The following CSMD1 variants were observed in gnomAD, a reference collection of about 807,000 sequenced individuals.
The protein encoded by CSMD1 is CUB and sushi domain-containing protein 1.
CSMD1 carries 213 observed loss-of-function variants against 417.5 expected under a neutral mutation model. That is an observed-to-expected ratio of 0.51 (90% confidence interval 0.46 to 0.57). CSMD1 has a LOEUF of 0.57. CSMD1 is among the 20% of genes least tolerant of loss of function. CSMD1 has a pLI of 0.00. For synonymous variants in CSMD1, 2,862 were observed against 1,736.8 expected (o/e 1.65, Z -16.11); for missense variants, 6,923 against 4,529.7 (o/e 1.53, Z -15.17).
In CSMD1 at chr8:3,284,235, C is replaced by T. The variant is rs781559921; in HGVS notation, c.4062G>A (p.Pro1354=). ...LLKEWSGSAL[P]EDIHSTFNSL... Reference sequence around the variant, plus strand: ...AGTTGAAGGTGCTGTGGATGTCCTCCGGAAGGGCGGAGCCACTCCACTCCT... The same window carrying T: ...AGTTGAAGGTGCTGTGGATGTCCTCTGGAAGGGCGGAGCCACTCCACTCCT... The change falls in exon 26 of 70, where the codon CCG becomes CCA. Residue 1354 remains proline, a synonymous_variant. Coordinates refer to ENST00000635120, the MANE Select transcript of CSMD1 (RefSeq NM_033225.6). 1.3e-5 allele frequency: 21 copies of T among 1,613,176 alleles called. No individual in the cohort carries two copies. The highest frequency in any genetic ancestry group is 2.2e-5 in the East Asian group (1 of 44,838).
At chr8:2,995,301 C>T (rs916963273) in intron 54 of CSMD1, among the ~76,000 whole-genome samples, 11 of 152,178 alleles carry the variant, frequency 7.2e-5, no homozygotes, top group African/African-American at 2.2e-4. Context: ...AAGGTACTCA[C>T]GTCGTTAGCC....
chr8:4,764,466 T>C (rs1399132548), intron 1 of CSMD1, among the ~76,000 whole-genome samples: 2 of 152,194 alleles, frequency 1.3e-5, no homozygotes, highest in Non-Finnish European at 1.5e-5. Context: ...ATCGTCTGTA[T>C]TCTTAAAAGT....
intron 2 of CSMD1, among the ~76,000 whole-genome samples, chr8:4,602,527 A>G (rs565894077): frequency 3.3e-5 from 5 of 152,224 alleles, no homozygotes; most frequent in Non-Finnish European, 7.3e-5. Flanking sequence ...TAAATATATT[A>G]GGAACATATT....
intron 5 of CSMD1, among the ~76,000 whole-genome samples, chr8:3,978,614 G>C (rs1287304919): frequency 1.3e-5 from 2 of 152,082 alleles, no homozygotes; most frequent in Non-Finnish European, 2.9e-5. Context: ...TAAATAATTG[G>C]AAGGAAACGT....
Position 4,086,676 on chromosome 8 carries a change from T to C in CSMD1, c.416-54577A>G, listed in dbSNP as rs1402202304. Among the ~76,000 whole-genome samples the C allele has an allele frequency of 1.3e-5, 2 of 152,228 alleles. 1 individual carries two copies. Among genetic ancestry groups the C allele is most frequent in the Non-Finnish European group, 2.9e-5 (2 of 68,038 alleles). Reference sequence around the variant, plus strand: ...CATTCTTTCTCATTCATTCATCAAGTATTTAAGCAACCTGAACTTCTTCAG... The same window carrying C: ...CATTCTTTCTCATTCATTCATCAAGCATTTAAGCAACCTGAACTTCTTCAG... On this transcript the variant is annotated intron_variant, in intron 3 of 69. Transcript: ENST00000635120.
chr8:3,026,651 C>G (rs28394433), intron 51 of CSMD1, among the ~76,000 whole-genome samples: 23,760 of 152,098 alleles, frequency 0.16, 1,990 homozygotes, highest in East Asian at 0.28. Context: ...ACCGTGAACT[C>G]TGCCCTGTGA....
chr8:3,873,823 C>T (rs760091396), intron 5 of CSMD1, among the ~76,000 whole-genome samples: 13 of 152,084 alleles, frequency 8.5e-5, no homozygotes, highest in South Asian at 4.2e-4. Context: ...CACATGGTCA[C>T]GGTGTTTGTA....
chr8:3,310,610 G>A (rs549247537), intron 23 of CSMD1, among the ~76,000 whole-genome samples: 18 of 152,168 alleles, frequency 1.2e-4, no homozygotes, highest in Non-Finnish European at 2.2e-4. Context: ...CACAAAATCG[G>A]GGTGTAAAAA....
chr8:4,841,943 A>C (rs1340551859), intron 1 of CSMD1, among the ~76,000 whole-genome samples: 2 of 130,060 alleles, frequency 1.5e-5, no homozygotes, highest in Non-Finnish European at 3.2e-5. Context: ...AAAAAAGTTC[A>C]GAACAATGGA....
chr8:3,614,470 G>A (rs977207519), intron 8 of CSMD1, among the ~76,000 whole-genome samples: 4 of 152,096 alleles, frequency 2.6e-5, no homozygotes, highest in Non-Finnish European at 5.9e-5. Context: ...ACTCACCTAG[G>A]ATATGATTAA....
intron 3 of CSMD1, among the ~76,000 whole-genome samples, chr8:4,193,855 C>G (rs776954227): frequency 1.1e-4 from 16 of 151,928 alleles, no homozygotes; most frequent in Admixed American, 4.6e-4. Context: ...CCCATTCATT[C>G]TTCAGCACCG....
At chr8:3,753,726 A>G (rs1261794095) in intron 6 of CSMD1, among the ~76,000 whole-genome samples, 2 of 152,236 alleles carry the variant, frequency 1.3e-5, no homozygotes, top group East Asian at 1.9e-4. Flanking sequence ...GAAACTATAC[A>G]TATCCTGTAT....
At chr8:4,796,342 A>T (rs1192864126) in intron 1 of CSMD1, among the ~76,000 whole-genome samples, 2 of 152,124 alleles carry the variant, frequency 1.3e-5, no homozygotes, top group Admixed American at 6.5e-5. Flanking sequence ...TGATCTTCAC[A>T]TATCCTCAGC....
intron 52 of CSMD1, among the ~76,000 whole-genome samples, chr8:3,005,948 A>T (rs1339585315): frequency 6.6e-6 from 1 of 152,148 alleles, no homozygotes; most frequent in Admixed American, 6.5e-5. Context: ...AAGGAAATAA[A>T]GGGTATTCAA....
intron 3 of CSMD1, among the ~76,000 whole-genome samples, chr8:4,205,457 A>G (rs1052389290): frequency 6.6e-6 from 1 of 152,250 alleles, no homozygotes; most frequent in African/African-American, 2.4e-5. Context: ...GCCCATTTAT[A>G]TACTTACAAA....
chr8:3,799,144 C>T (rs975272937), intron 5 of CSMD1, among the ~76,000 whole-genome samples: 1 of 151,882 alleles, frequency 6.6e-6, no homozygotes, highest in Non-Finnish European at 1.5e-5. Context: ...TTTAACACTT[C>T]AATAAAAAGT....
chr8:3,425,071 C>A (rs1563375643), intron 12 of CSMD1, among the ~76,000 whole-genome samples: 1 of 152,154 alleles, frequency 6.6e-6, no homozygotes, highest in African/African-American at 2.4e-5. Context: ...AGTCCCTGGG[C>A]TCAAGCAATC....
intron 1 of CSMD1, among the ~76,000 whole-genome samples, chr8:4,661,107 G>A (rs1251627872): frequency 6.6e-6 from 1 of 152,114 alleles, no homozygotes; most frequent in African/African-American, 2.4e-5. Flanking sequence ...CCTACCAATT[G>A]TACTACTAGG....
At chr8:3,046,266 G>A (rs1478744109) in intron 50 of CSMD1, among the ~76,000 whole-genome samples, 1 of 152,136 alleles carries the variant, frequency 6.6e-6, no homozygotes, top group Admixed American at 6.5e-5. Flanking sequence ...CAGAAGTGAA[G>A]CCACGTGGAC....
Sources: allele counts gnomAD v4.1 joint callset (sites outside exome capture counted in the v4.1 genomes callset), GRCh38; gene constraint gnomAD v4.1.1; transcripts MANE v1.5; gene names NCBI Gene and HGNC (gene_info 2026-07-23, HGNC 2026-07-21).